The following CNTN5 variants were observed in gnomAD, a reference collection of about 807,000 sequenced individuals.
CNTN5 encodes the protein contactin 5.
CNTN5 carries 77 observed loss-of-function variants against 129.1 expected under a neutral mutation model. That is an observed-to-expected ratio of 0.60 (90% CI 0.50 to 0.72). The LOEUF (loss-of-function observed/expected upper bound fraction) is 0.72, where lower values mean the gene tolerates loss of function less well. Ranked by LOEUF, CNTN5 falls within the 30% of genes least tolerant of loss-of-function variation. The pLI is 0.00. For synonymous variants in CNTN5, 509 were observed against 465.6 expected (o/e 1.09, Z -1.20); for missense variants, 1,478 against 1,328.8 (o/e 1.11, Z -1.75).
At chr11:99,969,451 C>A (rs1264935967) in intron 8 of CNTN5, among the ~76,000 whole-genome samples, 1 of 152,070 alleles carries the variant, frequency 6.6e-6, no homozygotes, top group African/African-American at 2.4e-5. Context: ...GTTTATCTAA[C>A]TTTTTTTAAT....
At chr11:99,348,115 G>C (rs555141706) in intron 2 of CNTN5, among the ~76,000 whole-genome samples, 1 of 151,956 alleles carries the variant, frequency 6.6e-6, no homozygotes, top group Non-Finnish European at 1.5e-5. Flanking sequence ...TCTTCTTAGC[G>C]GATCACGAGG....
At chr11:99,779,172 A>C (rs1307915023) in intron 3 of CNTN5, among the ~76,000 whole-genome samples, 1 of 151,954 alleles carries the variant, frequency 6.6e-6, no homozygotes, top group Non-Finnish European at 1.5e-5. Context: ...AGTTTTCATA[A>C]ATGATTTCTG....
intron 13 of CNTN5, among the ~76,000 whole-genome samples, chr11:100,123,767 T>C (rs954724338): frequency 2.6e-5 from 4 of 151,994 alleles, no homozygotes; most frequent in Admixed American, 2.6e-4. Context: ...ATGGGTTCGG[T>C]GGATTATAAA....
Position 100,188,962 on chromosome 11 carries a change from G to A in CNTN5, c.1581-2164G>A, listed in dbSNP as rs556840623. Among the ~76,000 whole-genome samples, 14 of 152,262 alleles carry A rather than the reference G, an allele frequency of 9.2e-5. No homozygotes were observed. The East Asian group carries it at 2.5e-3, about 27-fold the overall frequency. ...ATGCAACTGGAGGCCATTATCCAAA[G>A]TGAATTAACACGGCAACAGAAAACC... On this transcript the variant is annotated intron_variant, in intron 13 of 24. Coordinates refer to ENST00000524871, the MANE Select transcript of CNTN5 (RefSeq NM_014361.4).
At chr11:99,933,718 G>A (rs948578032) in intron 7 of CNTN5, among the ~76,000 whole-genome samples, 4 of 152,148 alleles carry the variant, frequency 2.6e-5, no homozygotes, top group African/African-American at 7.2e-5. Flanking sequence ...TGGTGCAAAC[G>A]TAATTGTCGT....
At chr11:99,258,908 C>T (rs1283666305) in intron 1 of CNTN5, among the ~76,000 whole-genome samples, 2 of 151,744 alleles carry the variant, frequency 1.3e-5, no homozygotes, top group Non-Finnish European at 2.9e-5. Context: ...TTTAAAATTA[C>T]TCATATCCAA....
At chr11:100,178,352 G>T (rs144561115) in intron 13 of CNTN5, among the ~76,000 whole-genome samples, 1 of 151,630 alleles carries the variant, frequency 6.6e-6, no homozygotes, top group Non-Finnish European at 1.5e-5. Context: ...TAAAATCTTC[G>T]TCTACTTCCT....
At chr11:99,275,282 A>G (rs569129721) in intron 1 of CNTN5, among the ~76,000 whole-genome samples, 13 of 151,292 alleles carry the variant, frequency 8.6e-5, no homozygotes, top group Non-Finnish European at 1.6e-4. Flanking sequence ...CTTTAAATAT[A>G]TTTCCACTCC....
chr11:99,188,489 T>C (rs1368263163), intron 1 of CNTN5, among the ~76,000 whole-genome samples: 1 of 151,832 alleles, frequency 6.6e-6, no homozygotes, highest in Non-Finnish European at 1.5e-5. Context: ...TCTCAGTGTA[T>C]AGAAACAGAG....
intron 6 of CNTN5, among the ~76,000 whole-genome samples, chr11:99,910,710 G>T (rs1192728472): frequency 6.6e-6 from 1 of 152,032 alleles, no homozygotes; most frequent in Non-Finnish European, 1.5e-5. Context: ...CAGGAAGCCT[G>T]GCATAGAGTA....
chr11:99,348,990 T>C (rs1457803676), intron 2 of CNTN5, among the ~76,000 whole-genome samples: 1 of 152,136 alleles, frequency 6.6e-6, no homozygotes, highest in Non-Finnish European at 1.5e-5. Context: ...ATCCCTACGG[T>C]CACAAAGCTT....
chr11:99,433,383 G>A (rs1389768801), intron 2 of CNTN5, among the ~76,000 whole-genome samples: 3 of 50,350 alleles, frequency 6.0e-5, no homozygotes, highest in African/African-American at 1.3e-4. Context: ...GTGTGTGTGT[G>A]TGTGTGTGTG....
chr11:99,822,422 T>C (rs138211033), intron 4 of CNTN5, among the ~76,000 whole-genome samples: 5 of 152,244 alleles, frequency 3.3e-5, no homozygotes, highest in African/African-American at 1.2e-4. Context: ...TTAAAGTGAA[T>C]AGAAAGAAAA....
chr11:99,196,372 G>A (rs1858902773), intron 1 of CNTN5, among the ~76,000 whole-genome samples: 1 of 151,658 alleles, frequency 6.6e-6, no homozygotes, highest in South Asian at 2.1e-4. Flanking sequence ...CTTTTCTTTA[G>A]AGATTTTGGG....
At chr11:99,595,189 C>T (rs1401590422) in intron 3 of CNTN5, among the ~76,000 whole-genome samples, 1 of 152,044 alleles carries the variant, frequency 6.6e-6, no homozygotes, top group Non-Finnish European at 1.5e-5. Flanking sequence ...CTGTATATTT[C>T]AAGACAGCTA....
chr11:99,494,029 G>T (rs1946134025), intron 2 of CNTN5, among the ~76,000 whole-genome samples: 1 of 152,106 alleles, frequency 6.6e-6, no homozygotes, highest in Non-Finnish European at 1.5e-5. Context: ...ATACGAAAAA[G>T]AAATATTGCA....
In CNTN5 at chr11:99,322,078, T is replaced by G. The variant is rs375271928; in HGVS notation, c.-209-3268T>G. 3.9e-5 allele frequency among the ~76,000 whole-genome samples: 6 copies of G among 152,254 alleles called. No individual in the cohort carries two copies. In the East Asian group the frequency reaches 9.7e-4, roughly 25 times the overall value. On this transcript the variant is annotated intron_variant, in intron 1 of 24. Coordinates refer to ENST00000524871, the MANE Select transcript of CNTN5 (RefSeq NM_014361.4). Reference sequence around the variant, plus strand: ...ATCTCCTTGTCCCCAGTTGTATTAGTTTTCTAGGGCTTCCATAAAACAGAA... The same window carrying G: ...ATCTCCTTGTCCCCAGTTGTATTAGGTTTCTAGGGCTTCCATAAAACAGAA...
chr11:99,632,160 A>G (rs949945368), intron 3 of CNTN5, among the ~76,000 whole-genome samples: 2 of 152,120 alleles, frequency 1.3e-5, no homozygotes, highest in South Asian at 2.1e-4. Context: ...GTCTGATTAT[A>G]CAAACCATCT....
At chr11:100,127,945 G>A (rs533171154) in intron 13 of CNTN5, among the ~76,000 whole-genome samples, 2 of 152,122 alleles carry the variant, frequency 1.3e-5, no homozygotes, top group Admixed American at 6.5e-5. Flanking sequence ...ACAGGCATGA[G>A]CCACCACACC....
Sources: allele counts gnomAD v4.1 joint callset (sites outside exome capture counted in the v4.1 genomes callset), GRCh38; gene constraint gnomAD v4.1.1; transcripts MANE v1.5; gene names NCBI Gene and HGNC (gene_info 2026-07-23, HGNC 2026-07-21).